CD8A: variants seen among roughly 807,000 people sequenced by gnomAD.
CD8A encodes CD8 subunit alpha.
Under a neutral mutation model 24.2 loss-of-function variants are expected in CD8A, and 25 were observed. The observed-to-expected ratio is 1.03, with a 90% CI of 0.75 to 1.44. The LOEUF (loss-of-function observed/expected upper bound fraction) is 1.44, where lower values mean the gene tolerates loss of function less well. Among genes scored for constraint, CD8A ranks in the 40% most tolerant of loss-of-function variants. The probability of loss-of-function intolerance (pLI) is 0.00; values close to 1 mark genes in which losing one functional copy is unlikely to be tolerated. For synonymous variants in CD8A, 165 were observed against 149.9 expected (o/e 1.10, Z -0.74); for missense variants, 360 against 319.7 (o/e 1.13, Z -0.96).
At chr2:86,797,105 G>A (rs749327443) in intron 3 of CD8A, among the ~76,000 whole-genome samples, 37 of 152,198 alleles carry the variant, frequency 2.4e-4, no homozygotes, top group African/African-American at 3.9e-4. Flanking sequence ...CCGGTGTTTC[G>A]GTAACAAAAT....
chr2:86,798,602 A>C lies in CD8A; in HGVS notation c.-271+2909T>G, dbSNP rs1673561235. Among the ~76,000 whole-genome samples the C allele has an allele frequency of 2.0e-5, 3 of 151,776 alleles. No individual in the cohort carries two copies. In the South Asian group the frequency reaches 6.2e-4, roughly 32 times the overall value. ...CAGTGGTGCGATCTCATCTCACTGCAACCTTTGCCTCCAGGGTTCAAGCAA... is the reference window on the plus strand; with the variant it reads ...CAGTGGTGCGATCTCATCTCACTGCCACCTTTGCCTCCAGGGTTCAAGCAA... On this transcript the variant is annotated intron_variant, in intron 3 of 8. Transcript: ENST00000409511.
intron 2 of CD8A, among the ~76,000 whole-genome samples, chr2:86,804,142 A>G (rs1298600214): frequency 6.6e-6 from 1 of 152,232 alleles, no homozygotes; most frequent in Non-Finnish European, 1.5e-5. Flanking sequence ...TCTACTAAAT[A>G]TGTGTGTCTT....
chr2:86,801,289 C>CCCTT (rs200910826), intron 3 of CD8A, among the ~76,000 whole-genome samples: 4 of 150,656 alleles, frequency 2.7e-5, no homozygotes, highest in East Asian at 2.0e-4. Context: ...CTGCCTCCCT[C>CCCTT]CCTTCCTTCC....
chr2:86,786,573 G>T (rs539022429), intron 5 of CD8A, among the ~76,000 whole-genome samples: 3 of 152,284 alleles, frequency 2.0e-5, no homozygotes, highest in African/African-American at 7.2e-5. Context: ...CTCGGGTGTT[G>T]GAATTTCCCA....
At position 86,785,677 on chromosome 2, in the gene CD8A, C is replaced by T. The variant is rs1291453160; in HGVS notation, c.*243G>A. 3 of 679,578 alleles carry T rather than the reference C, an allele frequency of 4.4e-6. No homozygotes were observed. Among genetic ancestry groups the T allele is most frequent in the Non-Finnish European group, 8.1e-6 (3 of 371,116 alleles). 42.1% of individuals were successfully genotyped at this position (679,578 alleles called of 1,614,324 possible). ...GGTAGCTCTGGCCTGCCCCTTTCCA[C>T]GCCCTACCGCGATGTGCGCACAACA... On this transcript the variant is annotated 3_prime_UTR_variant, in exon 6 of 6. Transcript: ENST00000283635.
chr2:86,788,551 C>G lies in CD8A; in HGVS notation c.635G>C (p.Arg212Thr). 1 of 1,613,424 alleles carries G rather than the reference C, an allele frequency of 6.2e-7. No homozygotes were observed. Among genetic ancestry groups the G allele is most frequent in the Admixed American group, 1.7e-5 (1 of 59,994 alleles). The part of the protein sequence containing the change: ...ITLYCNHRNR[R>T]RVCKCPRPVV... Reference sequence around the variant, plus strand: ...TCACCGGGGACATTTGCAAACACGTCTTCGGTTCCCTGGATAAGGAAAAAG... The same window carrying G: ...TCACCGGGGACATTTGCAAACACGTGTTCGGTTCCCTGGATAAGGAAAAAG... Residue 212 changes from arginine to threonine, a missense_variant, in exon 5 of 6, where the codon AGA becomes ACA. Coordinates refer to ENST00000283635, the MANE Select transcript of CD8A (RefSeq NM_001768.7).
At chr2:86,799,968 CTG>C (rs1387421683) in intron 3 of CD8A, among the ~76,000 whole-genome samples, 1 of 148,786 alleles carries the variant, frequency 6.7e-6, no homozygotes, top group Non-Finnish European at 1.5e-5. Context: ...GAAATTAAGT[CTG>C]AGTTGTTAAT....
intron 2 of CD8A, among the ~76,000 whole-genome samples, chr2:86,806,649 G>A (rs1371178452): frequency 8.5e-5 from 13 of 152,194 alleles, no homozygotes. Flanking sequence ...GGGAGGCCGT[G>A]AGGGGAGCAT....
rs1473251836 is a variant in CD8A, at chr2:86,789,623, G to A, written c.514+17C>T. 5.4e-6 allele frequency: 8 copies of A among 1,473,214 alleles called. No homozygotes were observed. The highest frequency in any genetic ancestry group is 7.2e-6 in the Non-Finnish European group (8 of 1,105,712). The allele number at this position is 1,473,214 out of a possible 1,614,324, so 91.3% of individuals were successfully genotyped here. A position where few individuals can be genotyped will look rare whatever the true frequency, so the allele number is the denominator to read the frequency against. ...GCGGTGCGTGCCGCCCCCGCCCCGG[G>A]CCCCCGCACGCCTCACCTGCGCCCC... On this transcript the variant is annotated intron_variant, in intron 3 of 5. Coordinates refer to ENST00000283635, the MANE Select transcript of CD8A (RefSeq NM_001768.7).
chr2:86,807,165 AT>A (rs1001664552), intron 2 of CD8A, among the ~76,000 whole-genome samples: 5 of 151,840 alleles, frequency 3.3e-5, no homozygotes, highest in African/African-American at 9.7e-5. Flanking sequence ...ATAAAATAAA[AT>A]AAAAAAAAAA....
chr2:86,789,033 T>C (rs1046264757), intron 4 of CD8A, among the ~76,000 whole-genome samples: 1 of 152,198 alleles, frequency 6.6e-6, no homozygotes, highest in Non-Finnish European at 1.5e-5. Context: ...GCGTTTGTCA[T>C]GTGTCCAGAC....
At position 86,789,338 on chromosome 2, in the gene CD8A, G is replaced by T. The variant is rs781692599; in HGVS notation, c.610C>A (p.Leu204Ile). ...CGGGACTTACTGTGGTTGCAGTAAA[G>T]GGTGATAACCAGTGACAGGAGAAGG... ...GVLLLSLVIT[L>I]YCNHRNRRRV... Residue 204 changes from leucine (L) to isoleucine (I), a missense_variant, in exon 4 of 6, where the codon CTT becomes ATT. Physicochemically the swap from Leu to Ile is conservative, Grantham distance 5. Coordinates refer to ENST00000283635, the MANE Select transcript of CD8A (RefSeq NM_001768.7). The T allele has an allele frequency of 1.2e-6, 2 of 1,607,692 alleles. No homozygotes were observed. Among genetic ancestry groups the T allele is most frequent in the Non-Finnish European group, 1.7e-6 (2 of 1,174,064 alleles).
chr2:86,799,907 T>G (rs1673610081), intron 3 of CD8A, among the ~76,000 whole-genome samples: 1 of 151,926 alleles, frequency 6.6e-6, no homozygotes, highest in African/African-American at 2.4e-5. Flanking sequence ...CATATTAACG[T>G]GTTCATTATG....
upstream of CD8A, chr2:86,791,182 A>C: frequency 2.0e-6 from 1 of 500,110 alleles, no homozygotes; most frequent in Non-Finnish European, 3.7e-6. Context: ...GTGAAGGGAG[A>C]CCAAAGATTT....
chr2:86,796,987 C>G (rs1673504486), intron 3 of CD8A, among the ~76,000 whole-genome samples: 1 of 152,202 alleles, frequency 6.6e-6, no homozygotes, highest in African/African-American at 2.4e-5. Flanking sequence ...AGACTGATCT[C>G]CTATCTCCTT....
Position 86,798,782 on chromosome 2 carries a change from A to G in CD8A, c.-271+2729T>C, listed in dbSNP as rs542978762. On this transcript the variant is annotated intron_variant, in intron 3 of 8. Coordinates refer to the CD8A transcript ENST00000409511. Reference sequence around the variant, plus strand: ...AGGCAATCTGCCCACCTGGCCTTCCAAAGTGCTGGGATTACAGGCATGAAC... The same window carrying G: ...AGGCAATCTGCCCACCTGGCCTTCCGAAGTGCTGGGATTACAGGCATGAAC... Among the ~76,000 whole-genome samples, 5 of 152,138 alleles carry G rather than the reference A, an allele frequency of 3.3e-5. No homozygotes were observed. The East Asian group carries it at 9.7e-4, about 29-fold the overall frequency.
rs70958908 is a variant in CD8A, at chr2:86,804,794, C to CTT, written c.-418+2651_-418+2652dup. 1.4e-3 allele frequency among the ~76,000 whole-genome samples: 136 copies of CTT among 94,054 alleles called. 2 individuals are homozygous for CTT. The highest frequency in any genetic ancestry group is 5.5e-3 in the Middle Eastern group (1 of 182). The allele number at this position is 94,054 out of a possible 152,430, so 61.7% of individuals were successfully genotyped here. A position where few individuals can be genotyped will look rare whatever the true frequency, so the allele number is the denominator to read the frequency against. ...AGCCATTCACTGTTCCTTGCTAAAT[C>CTT]TTTTTTTTTTTTTTTTTTTTTTTTT... On this transcript the variant is annotated intron_variant, in intron 2 of 8. Coordinates refer to the CD8A transcript ENST00000409511.
In CD8A at chr2:86,789,373, G is replaced by A. The variant is rs1573459751; in HGVS notation, c.575C>T (p.Thr192Ile). ...DIYIWAPLAG[T>I]CGVLLLSLVI... ...CAGTGACAGGAGAAGGACCCCACAA[G>A]TCCCGGCCAAGGGCGCCCAGATGTA... Residue 192 changes from threonine to isoleucine, a missense_variant, in exon 4 of 6, where the codon ACT becomes ATT. Physicochemically the swap from Thr to Ile is moderately conservative, Grantham distance 89. Coordinates refer to ENST00000283635, the MANE Select transcript of CD8A (RefSeq NM_001768.7). 1.2e-6 allele frequency: 2 copies of A among 1,613,956 alleles called. No individual in the cohort carries two copies. Among genetic ancestry groups the A allele is most frequent in the East Asian group, 2.2e-5 (1 of 44,842 alleles).
At chr2:86,802,958 A>G (rs1196836162) in intron 2 of CD8A, among the ~76,000 whole-genome samples, 2 of 152,156 alleles carry the variant, frequency 1.3e-5, no homozygotes, top group Admixed American at 1.3e-4. Flanking sequence ...AAAATTTCCA[A>G]AAGTTAAGAA....
Sources: allele counts gnomAD v4.1 joint callset (sites outside exome capture counted in the v4.1 genomes callset), GRCh38; gene constraint gnomAD v4.1.1; transcripts MANE v1.5; gene names NCBI Gene and HGNC (gene_info 2026-07-23, HGNC 2026-07-21).